Variants in TMC5 observed in about 807,000 individuals in gnomAD.
TMC5 encodes the protein transmembrane channel like 5, also known as transmembrane channel-like protein 5.
In TMC5, 86 loss-of-function variants were observed where a neutral mutation model predicts 110.5. That is an observed-to-expected ratio of 0.78 (90% CI 0.65 to 0.93). The LOEUF (loss-of-function observed/expected upper bound fraction) is 0.93, where lower values mean the gene tolerates loss of function less well. Ranked by LOEUF, TMC5 falls within the 40% of genes least tolerant of loss-of-function variation. The pLI is 0.00. For missense variants in TMC5, 1,144 were observed against 1,222.8 expected (o/e 0.94, Z 0.96); for synonymous variants, 455 against 439.5 (o/e 1.04, Z -0.44).
intron 4 of TMC5, among the ~76,000 whole-genome samples, chr16:19,445,851 G>A (rs1967602015): frequency 6.6e-6 from 1 of 151,664 alleles, no homozygotes; most frequent in African/African-American, 2.4e-5. Flanking sequence ...TTCATTCCGG[G>A]CCTAATTTTA....
At chr16:19,437,420 C>T (rs1415490654) in intron 2 of TMC5, among the ~76,000 whole-genome samples, 1 of 152,076 alleles carries the variant, frequency 6.6e-6, no homozygotes, top group Non-Finnish European at 1.5e-5. Context: ...ACCACAAAAG[C>T]GAGAAATGGA....
chr16:19,441,292 T>G (rs536427270), intron 3 of TMC5, among the ~76,000 whole-genome samples: 6 of 82,888 alleles, frequency 7.2e-5, no homozygotes, highest in South Asian at 5.4e-4. Flanking sequence ...CACTTCTTTG[T>G]TTTTTTTTTT....
chr16:19,448,306 A>ACACACACG (rs1967663616), intron 4 of TMC5, among the ~76,000 whole-genome samples: 1 of 27,092 alleles, frequency 3.7e-5, no homozygotes, highest in Non-Finnish European at 1.4e-4. Context: ...ACACACACGC[A>ACACACACG]CACACACACA....
chr16:19,486,831 G>A, intron 15 of TMC5, 114 bp from the exon 16 acceptor site: 2 of 880,310 alleles, frequency 2.3e-6, no homozygotes, highest in Non-Finnish European at 3.6e-6. Context: ...TGGATTTTGG[G>A]GACACACAAT....
chr16:19,472,481 G>A (rs1968369210), intron 11 of TMC5, among the ~76,000 whole-genome samples: 1 of 152,042 alleles, frequency 6.6e-6, no homozygotes, highest in African/African-American at 2.4e-5. Flanking sequence ...AGACCAGCCT[G>A]GGCAACATGG....
upstream of TMC5, among the ~76,000 whole-genome samples, chr16:19,414,099 T>G (rs186813645): frequency 6.6e-6 from 1 of 152,342 alleles, no homozygotes; most frequent in Admixed American, 6.5e-5. Flanking sequence ...CTATCCTTCC[T>G]GTTCCAGCGT....
At chr16:19,451,194 T>C (rs1967741735) in intron 5 of TMC5, among the ~76,000 whole-genome samples, 1 of 151,684 alleles carries the variant, frequency 6.6e-6, no homozygotes, top group African/African-American at 2.4e-5. Flanking sequence ...GACTAGGGAG[T>C]GCTGGAGCCA....
intron 17 of TMC5, among the ~76,000 whole-genome samples, chr16:19,487,611 A>T (rs901958375): frequency 6.6e-6 from 1 of 152,038 alleles, no homozygotes; most frequent in African/African-American, 2.4e-5. Context: ...CTGAGGCAGG[A>T]GAATCACTTG....
intron 1 of TMC5, among the ~76,000 whole-genome samples, chr16:19,420,755 G>T (rs981288513): frequency 1.3e-5 from 2 of 152,066 alleles, no homozygotes; most frequent in African/African-American, 4.8e-5. Context: ...GAGCCATCTC[G>T]CCTGTCTGAA....
intron 8 of TMC5, among the ~76,000 whole-genome samples, chr16:19,464,459 G>A (rs1968106642): frequency 6.6e-6 from 1 of 152,142 alleles, no homozygotes; most frequent in African/African-American, 2.4e-5. Flanking sequence ...GTGTTTTCCT[G>A]CAAAGTAACA....
Position 19,460,348 on chromosome 16 carries a change from G to C in TMC5, c.1148+14G>C, listed in dbSNP as rs1369784894. ...AAGGAACCTTAGGTATGGACTAAAG[G>C]CTTTTCTTCTTTCTCAGATTTCATG... On this transcript the variant is annotated intron_variant, in intron 6 of 21. Transcript: ENST00000542583. 3 of 1,559,180 alleles carry C rather than the reference G, an allele frequency of 1.9e-6. No individual in the cohort carries two copies. The highest frequency in any genetic ancestry group is 1.8e-5 in the Admixed American group (1 of 54,868).
Position 19,471,018 on chromosome 16 carries a change from A to G in TMC5, c.1783-1070A>G, listed in dbSNP as rs573447884. ...GCCACTGCACTCCAGCCTGGGCAACAAGAGTGAAACTCCATCTCCAGAAAA... is the reference window on the plus strand; with the variant it reads ...GCCACTGCACTCCAGCCTGGGCAACGAGAGTGAAACTCCATCTCCAGAAAA... On this transcript the variant is annotated intron_variant, in intron 10 of 21. Coordinates refer to ENST00000542583, the MANE Select transcript of TMC5 (RefSeq NM_001261841.2). Among the ~76,000 whole-genome samples the G allele has an allele frequency of 2.0e-5, 3 of 152,256 alleles. No individual in the cohort carries two copies. The South Asian group carries it at 6.2e-4, about 32-fold the overall frequency.
upstream of TMC5, among the ~76,000 whole-genome samples, chr16:19,416,190 G>GAAAA (rs752182776): frequency 3.2e-5 from 4 of 125,942 alleles, no homozygotes; most frequent in African/African-American, 1.1e-4. Context: ...TGTCTCAAAG[G>GAAAA]AAAAAAAAAA....
chr16:19,432,810 C>A (rs921881027), intron 2 of TMC5, among the ~76,000 whole-genome samples: 5 of 152,164 alleles, frequency 3.3e-5, no homozygotes, highest in African/African-American at 9.7e-5. Context: ...CATATAACAT[C>A]CATCTTTCTA....
intron 1 of TMC5, 78 bp downstream of exon 1, chr16:19,418,170 A>G (rs1432180434): frequency 6.6e-6 from 1 of 152,248 alleles, no homozygotes; most frequent in African/African-American, 2.4e-5. Flanking sequence ...TCAGCGAAGG[A>G]GGACGGAAAC....
intron 1 of TMC5, among the ~76,000 whole-genome samples, chr16:19,427,840 C>T (rs185624609): frequency 7.8e-6 from 1 of 128,806 alleles, no homozygotes; most frequent in Admixed American, 8.6e-5. Context: ...GCTCTAGATC[C>T]ATAGTTTCTG....
intron 4 of TMC5, among the ~76,000 whole-genome samples, chr16:19,447,288 A>G (rs147734291): frequency 6.6e-6 from 1 of 152,166 alleles, no homozygotes; most frequent in African/African-American, 2.4e-5. Context: ...GTAAGCTGAA[A>G]GTGCTCAAAA....
In TMC5 at chr16:19,487,233, G is replaced by C; in HGVS notation, c.2480G>C (p.Trp827Ser). The C allele has an allele frequency of 6.2e-7, 1 of 1,614,040 alleles. No individual in the cohort carries two copies. The highest frequency in any genetic ancestry group is 8.5e-7 in the Non-Finnish European group (1 of 1,179,974). ...AATTTCCAGCCTCCGAGCAAAGCCT[G>C]GCGGGCCTCACAGATGATGACTTTC... ...MMNFQPPSKA[W>S]RASQMMTFFI... Residue 827 changes from tryptophan (W) to serine (S), a missense_variant, in exon 17 of 22, where the codon TGG (tryptophan) becomes TCG (serine). Physicochemically the swap from Trp to Ser is radical, Grantham distance 177. Coordinates refer to ENST00000542583, the MANE Select transcript of TMC5 (RefSeq NM_001261841.2).
At chr16:19,436,586 TA>T (rs1330437551) in intron 2 of TMC5, among the ~76,000 whole-genome samples, 4 of 152,222 alleles carry the variant, frequency 2.6e-5, no homozygotes, top group Admixed American at 6.5e-5. Flanking sequence ...ACAGACAGTT[TA>T]TATAGGTGTT....
Sources: gnomAD v4.1 joint callset for allele counts (sites outside exome capture counted in the v4.1 genomes callset) on GRCh38, gnomAD v4.1.1 for gene constraint, MANE v1.5 for transcripts, NCBI Gene and HGNC (gene_info 2026-07-23, HGNC 2026-07-21) for gene names.